AGBL1: variants seen among roughly 807,000 people sequenced by gnomAD.
AGBL1 encodes AGBL carboxypeptidase 1.
AGBL1 carries 130 observed loss-of-function variants against 118.9 expected under a neutral mutation model. That is an observed-to-expected ratio of 1.09 (90% CI 0.95 to 1.26). The LOEUF is 1.26. Among genes scored for constraint, AGBL1 ranks in the 50% most tolerant of loss-of-function variants. AGBL1 has a pLI of 0.00. For synonymous variants in AGBL1, 555 were observed against 478.9 expected (o/e 1.16, Z -2.08); for missense variants, 1,584 against 1,298.1 (o/e 1.22, Z -3.38).
chr15:86,766,435 C>G (rs1234242836), intron 22 of AGBL1, among the ~76,000 whole-genome samples: 2 of 151,876 alleles, frequency 1.3e-5, no homozygotes, highest in Non-Finnish European at 2.9e-5. Context: ...AACCCTATGT[C>G]TCAGACAAGT....
intron 18 of AGBL1, among the ~76,000 whole-genome samples, chr15:86,440,603 A>G (rs965618700): frequency 2.6e-5 from 4 of 152,040 alleles, no homozygotes; most frequent in African/African-American, 9.7e-5. Flanking sequence ...CCATCCTATG[A>G]GGTTGATTTT....
At chr15:87,006,632 G>C (rs988552752) in intron 24 of AGBL1, among the ~76,000 whole-genome samples, 2 of 152,196 alleles carry the variant, frequency 1.3e-5, no homozygotes, top group Non-Finnish European at 2.9e-5. Context: ...CTGACCCCTT[G>C]CACTTCCCGG....
chr15:86,997,801 C>T (rs1043399569), intron 24 of AGBL1, among the ~76,000 whole-genome samples: 2 of 151,508 alleles, frequency 1.3e-5, no homozygotes, highest in African/African-American at 4.9e-5. Flanking sequence ...AATATAAACA[C>T]CTGAACTGTG....
intron 6 of AGBL1, among the ~76,000 whole-genome samples, chr15:86,246,630 G>T (rs77770020): frequency 0.031 from 4,711 of 152,250 alleles, 217 homozygotes; most frequent in African/African-American, 0.11. Flanking sequence ...AAACAACCAC[G>T]TGGGAAGGGC....
intron 5 of AGBL1, among the ~76,000 whole-genome samples, chr15:86,205,678 T>C (rs1355180451): frequency 6.6e-6 from 1 of 152,184 alleles, no homozygotes; most frequent in Non-Finnish European, 1.5e-5. Flanking sequence ...TTCATTGTGG[T>C]TCTGATTTGC....
At chr15:86,543,936 G>A (rs1403331650) in intron 19 of AGBL1, among the ~76,000 whole-genome samples, 1 of 152,206 alleles carries the variant, frequency 6.6e-6, no homozygotes. Flanking sequence ...TAAGGAGAAG[G>A]CATACACAGG....
chr15:86,338,840 C>T (rs1477082558), intron 17 of AGBL1, among the ~76,000 whole-genome samples: 1 of 152,118 alleles, frequency 6.6e-6, no homozygotes, highest in Non-Finnish European at 1.5e-5. Flanking sequence ...TCTCCTTGCT[C>T]TGCTCTCAAT....
chr15:86,293,862 C>T (rs8036727), intron 16 of AGBL1, among the ~76,000 whole-genome samples: 100,154 of 151,924 alleles, frequency 0.66, 34,101 homozygotes, highest in African/African-American at 0.81. Flanking sequence ...ACAAGGTGGG[C>T]GGTTTCTCCT....
intron 22 of AGBL1, among the ~76,000 whole-genome samples, chr15:86,851,837 C>A (rs1185003612): frequency 6.6e-6 from 1 of 152,132 alleles, no homozygotes; most frequent in African/African-American, 2.4e-5. Context: ...GAATGGCCAA[C>A]AGAGATTTGA....
intron 2 of AGBL1, 80 bp downstream of exon 2, chr15:86,142,147 AC>A: frequency 7.2e-7 from 1 of 1,392,910 alleles, no homozygotes; most frequent in Non-Finnish European, 9.9e-7. Flanking sequence ...CACCTCTGTG[AC>A]CTGGGGGTTT....
Position 86,870,834 on chromosome 15 carries a change from T to A in AGBL1, c.3159-36253T>A, listed in dbSNP as rs749308429. Among the ~76,000 whole-genome samples, 21 of 152,206 alleles carry A rather than the reference T, an allele frequency of 1.4e-4. 1 individual carries two copies. Among genetic ancestry groups the A allele is most frequent in the Non-Finnish European group, 2.5e-4 (17 of 68,034 alleles). On this transcript the variant is annotated intron_variant, in intron 22 of 22. Coordinates refer to ENST00000614907, the MANE Select transcript of AGBL1 (RefSeq NM_001386094.1). ...ACTGAGATTACTATTTCATCAAAGATGATATTGGATCTGATCTTTCAGTTT... is the reference window on the plus strand; with the variant it reads ...ACTGAGATTACTATTTCATCAAAGAAGATATTGGATCTGATCTTTCAGTTT...
intron 1 of AGBL1, among the ~76,000 whole-genome samples, chr15:86,136,319 A>G (rs1392105091): frequency 6.6e-6 from 1 of 152,258 alleles, no homozygotes; most frequent in African/African-American, 2.4e-5. Context: ...AACTTTAATA[A>G]AAGGTATGTA....
At chr15:86,540,710 C>T (rs1193068760) in intron 19 of AGBL1, among the ~76,000 whole-genome samples, 1 of 152,158 alleles carries the variant, frequency 6.6e-6, no homozygotes, top group South Asian at 2.1e-4. Context: ...AAAGAAAAAG[C>T]TTCCTTAACT....
chr15:86,313,624 G>T (rs962292888), intron 17 of AGBL1, among the ~76,000 whole-genome samples: 14 of 152,160 alleles, frequency 9.2e-5, no homozygotes, highest in African/African-American at 3.4e-4. Context: ...GTTCAGCCTG[G>T]CAATCAGCTT....
At position 86,779,333 on chromosome 15, in the gene AGBL1, A is replaced by C. The variant is rs369385546; in HGVS notation, c.3158+104897A>C. ...TCAGTCCCCAGAACTCTAACAAATA[A>C]CTTTGTTTTATTCATAAGCTATCAA... On this transcript the variant is annotated intron_variant, in intron 22 of 22. Transcript: ENST00000614907. Among the ~76,000 whole-genome samples, 5 of 152,244 alleles carry C rather than the reference A, an allele frequency of 3.3e-5. No homozygotes were observed. In the East Asian group the frequency reaches 9.6e-4, roughly 29 times the overall value.
At chr15:86,791,621 A>G (rs1027538862) in intron 22 of AGBL1, among the ~76,000 whole-genome samples, 2 of 151,850 alleles carry the variant, frequency 1.3e-5, no homozygotes, top group African/African-American at 4.8e-5. Flanking sequence ...TGGATACCTC[A>G]GTTTCTTGGG....
chr15:87,030,042 T>A (rs548743361), downstream of AGBL1, among the ~76,000 whole-genome samples: 4 of 152,114 alleles, frequency 2.6e-5, no homozygotes, highest in Non-Finnish European at 5.9e-5. Context: ...TTGAAAGACA[T>A]CTAAGCAAGA....
chr15:87,012,356 T>C (rs1372507477), intron 24 of AGBL1, among the ~76,000 whole-genome samples: 1 of 152,088 alleles, frequency 6.6e-6, no homozygotes, highest in African/African-American at 2.4e-5. Context: ...CTTTCCTACA[T>C]TGGAGGGTAA....
At chr15:86,502,958 T>G (rs958988767) in intron 18 of AGBL1, among the ~76,000 whole-genome samples, 9 of 151,538 alleles carry the variant, frequency 5.9e-5, no homozygotes, top group African/African-American at 2.2e-4. Flanking sequence ...TTCCTTCTTA[T>G]GTATGTTTTG....
Sources: allele counts gnomAD v4.1 joint callset (sites outside exome capture counted in the v4.1 genomes callset), GRCh38; gene constraint gnomAD v4.1.1; transcripts MANE v1.5; gene names NCBI Gene and HGNC (gene_info 2026-07-23, HGNC 2026-07-21).